The following CFAP299 variants were observed in gnomAD, a reference collection of about 807,000 sequenced individuals.
The protein encoded by CFAP299 is cilia- and flagella-associated protein 299.
CFAP299 carries 21 observed loss-of-function variants against 27.0 expected under a neutral mutation model. The observed-to-expected ratio is 0.78, with a 90% confidence interval of 0.55 to 1.12. The LOEUF (loss-of-function observed/expected upper bound fraction) is 1.12, where lower values mean the gene tolerates loss of function less well. CFAP299 is among the 50% of genes most tolerant of loss of function. The pLI, the probability that CFAP299 is intolerant of heterozygous loss-of-function variation, is 0.00. For missense variants in CFAP299, 310 were observed against 276.6 expected, an observed-to-expected ratio of 1.12 and a Z score of -0.86; for synonymous variants, 104 against 98.1, an observed-to-expected ratio of 1.06 and a Z score of -0.36.
chr4:80,690,426 C>A (rs1178790771), intron 3 of CFAP299, among the ~76,000 whole-genome samples: 2 of 152,176 alleles, frequency 1.3e-5, no homozygotes, highest in South Asian at 2.1e-4. Flanking sequence ...AACTGAACAA[C>A]CTGCTCCTGA....
intron 3 of CFAP299, among the ~76,000 whole-genome samples, chr4:80,853,482 G>A (rs553211318): frequency 3.9e-5 from 6 of 152,198 alleles, no homozygotes; most frequent in Admixed American, 3.3e-4. Context: ...TTCTAGAGGA[G>A]TGAAATTTTA....
intron 2 of CFAP299, among the ~76,000 whole-genome samples, chr4:80,448,716 AC>A (rs952001250): frequency 2.0e-5 from 3 of 146,552 alleles, no homozygotes; most frequent in Non-Finnish European, 3.0e-5. Flanking sequence ...TAAAAAAAAA[AC>A]CACATCTCTG....
chr4:80,720,395 C>T (rs1448305570), intron 3 of CFAP299, among the ~76,000 whole-genome samples: 1 of 152,032 alleles, frequency 6.6e-6, no homozygotes, highest in Non-Finnish European at 1.5e-5. Flanking sequence ...GAAAATTAAT[C>T]CTAGATTAAA....
At chr4:80,522,368 G>C (rs1328210717) in intron 2 of CFAP299, among the ~76,000 whole-genome samples, 2 of 151,896 alleles carry the variant, frequency 1.3e-5, no homozygotes, top group African/African-American at 4.8e-5. Flanking sequence ...TTATGCTATT[G>C]AGTTGTAGGA....
intron 5 of CFAP299, among the ~76,000 whole-genome samples, chr4:80,960,941 C>A (rs892462145): frequency 6.6e-6 from 1 of 151,630 alleles, no homozygotes; most frequent in Non-Finnish European, 1.5e-5. Flanking sequence ...GAAAATTACG[C>A]CTAATAATTA....
intron 3 of CFAP299, among the ~76,000 whole-genome samples, chr4:80,823,308 A>G (rs1263904225): frequency 1.3e-5 from 2 of 152,148 alleles, no homozygotes; most frequent in Admixed American, 6.6e-5. Flanking sequence ...CAGACAACTA[A>G]AACTCAGGGC....
intron 3 of CFAP299, among the ~76,000 whole-genome samples, chr4:80,855,856 G>T (rs531726574): frequency 2.0e-5 from 3 of 151,470 alleles, no homozygotes; most frequent in Admixed American, 6.6e-5. Context: ...GAATAGTGCC[G>T]CAATAAACAT....
chr4:80,705,789 G>C (rs1217351295), intron 3 of CFAP299, among the ~76,000 whole-genome samples: 2 of 151,778 alleles, frequency 1.3e-5, no homozygotes, highest in African/African-American at 4.8e-5. Flanking sequence ...AATATAATTA[G>C]AATTTACCTA....
intron 3 of CFAP299, among the ~76,000 whole-genome samples, chr4:80,742,519 C>G (rs937922798): frequency 6.6e-6 from 1 of 151,934 alleles, no homozygotes; most frequent in African/African-American, 2.4e-5. Context: ...AAAAATCTAT[C>G]ATAGATTGAT....
chr4:80,595,296 G>T (rs1431902796), intron 3 of CFAP299, among the ~76,000 whole-genome samples: 1 of 144,684 alleles, frequency 6.9e-6, no homozygotes, highest in Non-Finnish European at 1.5e-5. Flanking sequence ...CCCTCCCAAA[G>T]ATAGCACAGA....
intron 1 of CFAP299, among the ~76,000 whole-genome samples, chr4:80,357,411 G>T (rs1189049643): frequency 2.6e-5 from 4 of 152,164 alleles, no homozygotes; most frequent in Non-Finnish European, 4.4e-5. Flanking sequence ...CAGCATGAAT[G>T]GTACCAGCTC....
intron 3 of CFAP299, among the ~76,000 whole-genome samples, chr4:80,855,353 C>G (rs970861106): frequency 6.6e-6 from 1 of 151,776 alleles, no homozygotes. Flanking sequence ...CTGTTTATTT[C>G]TCCTTTATAA....
intron 3 of CFAP299, among the ~76,000 whole-genome samples, chr4:80,719,681 G>A (rs1304089029): frequency 6.6e-6 from 1 of 152,164 alleles, no homozygotes; most frequent in Non-Finnish European, 1.5e-5. Flanking sequence ...ATGTGGTTTT[G>A]TCCAGCACAC....
At chr4:80,833,652 C>T (rs901868209) in intron 3 of CFAP299, among the ~76,000 whole-genome samples, 1 of 152,160 alleles carries the variant, frequency 6.6e-6, no homozygotes, top group African/African-American at 2.4e-5. Flanking sequence ...TGATTCTACC[C>T]ACGATAGGTG....
intron 3 of CFAP299, among the ~76,000 whole-genome samples, chr4:80,610,219 G>T (rs550973485): frequency 1.3e-5 from 2 of 152,006 alleles, no homozygotes; most frequent in Non-Finnish European, 2.9e-5. Flanking sequence ...TGACACTAGT[G>T]AAGTGTGGAC....
At chr4:80,359,806 C>T (rs778486762) in intron 1 of CFAP299, among the ~76,000 whole-genome samples, 5 of 152,144 alleles carry the variant, frequency 3.3e-5, no homozygotes, top group African/African-American at 9.7e-5. Context: ...TATCCGTATT[C>T]TGAATTCTAT....
At chr4:80,506,333 A>G (rs151282667) in intron 2 of CFAP299, among the ~76,000 whole-genome samples, 150 of 152,212 alleles carry the variant, frequency 9.9e-4, no homozygotes, top group African/African-American at 3.4e-3. Flanking sequence ...TTATATTCAT[A>G]TGGTTGTTAT....
chr4:80,610,215 T>C (rs1483216711), intron 3 of CFAP299, among the ~76,000 whole-genome samples: 1 of 152,038 alleles, frequency 6.6e-6, no homozygotes, highest in Non-Finnish European at 1.5e-5. Context: ...AAAATGACAC[T>C]AGTGAAGTGT....
intron 3 of CFAP299, among the ~76,000 whole-genome samples, chr4:80,667,757 G>A (rs1272838327): frequency 6.6e-6 from 1 of 152,036 alleles, no homozygotes; most frequent in Non-Finnish European, 1.5e-5. Flanking sequence ...TATTTTGGCT[G>A]TTGTGAATAG....
Sources: allele counts gnomAD v4.1 joint callset (sites outside exome capture counted in the v4.1 genomes callset), GRCh38; gene constraint gnomAD v4.1.1; transcripts MANE v1.5; gene names NCBI Gene and HGNC (gene_info 2026-07-23, HGNC 2026-07-21).